The following TRIM71 variants were observed in gnomAD, a reference collection of about 807,000 sequenced individuals.
TRIM71 encodes the protein E3 ubiquitin-protein ligase TRIM71.
TRIM71 carries 9 observed loss-of-function variants against 61.2 expected under a neutral mutation model. The ratio of observed to expected loss-of-function variants is 0.15; its 90% CI spans 0.09 to 0.26. TRIM71 has a LOEUF of 0.26. Ranked by LOEUF, TRIM71 falls within the 10% of genes least tolerant of loss-of-function variation. TRIM71 has a pLI of 1.00. For missense variants in TRIM71, 998 were observed against 1,238.7 expected (o/e 0.81, Z 2.92); for synonymous variants, 645 against 553.2 (o/e 1.17, Z -2.33).
In TRIM71 at chr3:32,891,022, C is replaced by G; in HGVS notation, c.1818C>G (p.Leu606=). The G allele has an allele frequency of 6.2e-7, 1 of 1,614,046 alleles. No individual in the cohort carries two copies. The highest frequency in any genetic ancestry group is 8.5e-7 in the Non-Finnish European group (1 of 1,180,044). The change falls in exon 4 of 4, where the codon CTC becomes CTG. Residue 606 remains leucine, a synonymous_variant. Coordinates refer to ENST00000383763, the MANE Select transcript of TRIM71 (RefSeq NM_001039111.3). The surrounding 1 kb of genome is among the most constrained non-coding windows in gnomAD (Gnocchi z 8.2). ...GTGAGGGTGACAGCGATGGCAAGCTCTGCCGCCCTTGGGGTGTGAGTGTAG... is the reference window on the plus strand; with the variant it reads ...GTGAGGGTGACAGCGATGGCAAGCTGTGCCGCCCTTGGGGTGTGAGTGTAG... The part of the protein sequence containing the change: ...FGSEGDSDGK[L]CRPWGVSVDK...
intron 1 of TRIM71, among the ~76,000 whole-genome samples, chr3:32,836,768 T>G (rs532101119): frequency 6.6e-6 from 1 of 152,332 alleles, no homozygotes; most frequent in East Asian, 1.9e-4. Context: ...GGCCCTTAAC[T>G]TGTGAATGCC....
chr3:32,847,134 C>T (rs1696484490), intron 1 of TRIM71, among the ~76,000 whole-genome samples: 1 of 151,734 alleles, frequency 6.6e-6, no homozygotes, highest in African/African-American at 2.4e-5. Flanking sequence ...AAGCGATTCT[C>T]CTGCCTTATG....
intron 1 of TRIM71, among the ~76,000 whole-genome samples, chr3:32,833,375 A>G (rs531023455): frequency 3.2e-4 from 49 of 152,160 alleles, no homozygotes; most frequent in Non-Finnish European, 5.6e-4. Context: ...AGAGAACAAA[A>G]TAGTCCCACA....
intron 1 of TRIM71, among the ~76,000 whole-genome samples, chr3:32,827,758 C>T (rs915148760): frequency 1.3e-5 from 2 of 152,120 alleles, no homozygotes; most frequent in Non-Finnish European, 2.9e-5. Context: ...TTGAATGGAC[C>T]TTGGAGCCTG....
intron 1 of TRIM71, among the ~76,000 whole-genome samples, chr3:32,822,242 G>T (rs1411946149): frequency 6.6e-6 from 1 of 152,060 alleles, no homozygotes. Context: ...ATTGTAGCCC[G>T]CCCCACCCGA....
At chr3:32,884,550 AAAAAG>A (rs1046735485) in intron 2 of TRIM71, among the ~76,000 whole-genome samples, 8 of 151,776 alleles carry the variant, frequency 5.3e-5, no homozygotes, top group Admixed American at 2.0e-4. Flanking sequence ...GAAAAAAAAA[AAAAAG>A]AAAGAAAAAG....
rs1450333092 is a variant in TRIM71, at chr3:32,890,590, A to AC, written c.1392dup (p.Asp465ArgfsTer15). ...AGGAAGACGACCGAGTCATGTTCAC[A>AC]CCCCCCGATCAGGCACTGTACCTTG... On this transcript the variant is annotated frameshift_variant, in exon 4 of 4. Coordinates refer to ENST00000383763, the MANE Select transcript of TRIM71 (RefSeq NM_001039111.3). LOFTEE classifies it high-confidence loss of function. The surrounding 1 kb of genome is among the most constrained non-coding windows in gnomAD (Gnocchi z 6.2). 2 of 1,613,502 alleles carry AC rather than the reference A, an allele frequency of 1.2e-6. No individual in the cohort carries two copies.
intron 1 of TRIM71, among the ~76,000 whole-genome samples, chr3:32,860,355 C>T (rs770796400): frequency 1.4e-4 from 22 of 152,016 alleles, no homozygotes; most frequent in Non-Finnish European, 2.9e-4. Context: ...TACAGGGTTT[C>T]GCTGTGGCCA....
At chr3:32,839,336 T>TTC (rs1696376343) in intron 1 of TRIM71, among the ~76,000 whole-genome samples, 1 of 151,812 alleles carries the variant, frequency 6.6e-6, no homozygotes, top group Non-Finnish European at 1.5e-5. Flanking sequence ...GTTCAAGTGA[T>TTC]TCTCTTGCCT....
At chr3:32,889,333 A>T (rs1171751280) in intron 3 of TRIM71, among the ~76,000 whole-genome samples, 1 of 151,994 alleles carries the variant, frequency 6.6e-6, no homozygotes, top group Non-Finnish European at 1.5e-5. Context: ...GTGGTTATTC[A>T]CAGACACAGT....
intron 1 of TRIM71, among the ~76,000 whole-genome samples, chr3:32,830,550 C>G (rs758341848): frequency 5.3e-5 from 8 of 152,138 alleles, no homozygotes; most frequent in South Asian, 2.1e-4. Flanking sequence ...TGTCCCCATA[C>G]CCTCTCACCC....
intron 1 of TRIM71, among the ~76,000 whole-genome samples, chr3:32,866,370 C>T (rs1430414429): frequency 2.0e-5 from 3 of 152,082 alleles, no homozygotes; most frequent in African/African-American, 4.8e-5. Flanking sequence ...CTCAGCCTCC[C>T]GAGTAGCTAG....
intron 2 of TRIM71, among the ~76,000 whole-genome samples, chr3:32,877,356 G>A (rs1412089173): frequency 6.6e-6 from 1 of 151,780 alleles, no homozygotes; most frequent in African/African-American, 2.4e-5. Flanking sequence ...CACCTGCCTC[G>A]GCTTTTCAAA....
chr3:32,847,708 TG>T (rs1696491532), intron 1 of TRIM71, among the ~76,000 whole-genome samples: 1 of 152,210 alleles, frequency 6.6e-6, no homozygotes, highest in Non-Finnish European at 1.5e-5. Context: ...CCTTTCCATA[TG>T]TGACAAATGA....
chr3:32,897,514 G>T lies in TRIM71; in HGVS notation c.*5703G>T, dbSNP rs558107629. The T allele has an allele frequency of 1.3e-5, 2 of 151,688 alleles. No homozygotes were observed. Among genetic ancestry groups the T allele is most frequent in the South Asian group, 2.1e-4 (1 of 4,794 alleles). 9.4% of individuals were successfully genotyped at this position (151,688 alleles called of 1,614,324 possible). A position where few individuals can be genotyped will look rare whatever the true frequency, so the allele number is the denominator to read the frequency against. Reference sequence around the variant, plus strand: ...TGAGTTTTTGTTTGGTTGATTTTGGGTTTTTTTCCCCCCTCCTCTTTTGGC... The same window carrying T: ...TGAGTTTTTGTTTGGTTGATTTTGGTTTTTTTTCCCCCCTCCTCTTTTGGC... On this transcript the variant is annotated 3_prime_UTR_variant, in exon 4 of 4. Coordinates refer to ENST00000383763, the MANE Select transcript of TRIM71 (RefSeq NM_001039111.3).
rs1038962963 is a variant in TRIM71, at chr3:32,895,757, T to C, written c.*3946T>C. ...AGAGCTCTACGGCTTTCTCTGGTTT[T>C]CTATAGGGCCAAGGGCACAGGACGC... On this transcript the variant is annotated 3_prime_UTR_variant, in exon 4 of 4. Transcript: ENST00000383763. 1 of 152,224 alleles carries C rather than the reference T, an allele frequency of 6.6e-6. No individual in the cohort carries two copies. The highest frequency in any genetic ancestry group is 6.5e-5 in the Admixed American group (1 of 15,280). 9.4% of individuals were successfully genotyped at this position (152,224 alleles called of 1,614,324 possible). A position where few individuals can be genotyped will look rare whatever the true frequency, so the allele number is the denominator to read the frequency against.
intron 1 of TRIM71, among the ~76,000 whole-genome samples, chr3:32,826,314 C>G (rs779182307): frequency 2.0e-5 from 3 of 152,018 alleles, no homozygotes; most frequent in Admixed American, 1.3e-4. Context: ...AAAAATTAGC[C>G]GGACGAATCC....
chr3:32,867,188 C>T (rs4324486), intron 1 of TRIM71, among the ~76,000 whole-genome samples: 150,427 of 152,084 alleles, frequency 0.99, 74,417 homozygotes, highest in East Asian at 1. Context: ...TCCCCCTCCT[C>T]TTTTTTAGAT....
At chr3:32,867,074 A>G (rs928469186) in intron 1 of TRIM71, among the ~76,000 whole-genome samples, 1 of 148,740 alleles carries the variant, frequency 6.7e-6, no homozygotes, top group African/African-American at 2.6e-5. Flanking sequence ...TTTTCCTTTC[A>G]AATTGTCTTG....
Sources: gnomAD v4.1 joint callset for allele counts (sites outside exome capture counted in the v4.1 genomes callset) on GRCh38, gnomAD v4.1.1 for gene constraint, Gnocchi (gnomAD v3.1) non-coding constraint, MANE v1.5 for transcripts, NCBI Gene and HGNC (gene_info 2026-07-23, HGNC 2026-07-21) for gene names.